The following SYNE1 variants were observed in gnomAD, a reference collection of about 807,000 sequenced individuals.
The protein encoded by SYNE1 is nesprin-1.
In SYNE1, 616 loss-of-function variants were observed where a neutral mutation model predicts 1,111.0. The ratio of observed to expected loss-of-function variants is 0.55; its 90% confidence interval spans 0.52 to 0.59. The LOEUF (loss-of-function observed/expected upper bound fraction) is 0.59. Ranked by LOEUF, SYNE1 falls within the 20% of genes least tolerant of loss-of-function variation. The probability of loss-of-function intolerance (pLI) is 0.00; values close to 1 mark genes in which losing one functional copy is unlikely to be tolerated. For synonymous variants in SYNE1, 3,855 were observed against 3,825.8 expected (o/e 1.01, Z -0.28); for missense variants, 10,006 against 10,417.0 (o/e 0.96, Z 1.72).
intron 12 of SYNE1, among the ~76,000 whole-genome samples, chr6:152,487,100 G>T (rs1332698732): frequency 1.3e-5 from 2 of 152,080 alleles, no homozygotes; most frequent in Non-Finnish European, 2.9e-5. Flanking sequence ...AGGAAGATTT[G>T]TTACATAGGT....
At chr6:152,443,020 A>G (rs1459938765) in intron 30 of SYNE1, among the ~76,000 whole-genome samples, 1 of 152,168 alleles carries the variant, frequency 6.6e-6, no homozygotes, top group Non-Finnish European at 1.5e-5. Flanking sequence ...TGTGGGGGGA[A>G]ATTGTCTTAA....
intron 78 of SYNE1, among the ~76,000 whole-genome samples, chr6:152,327,971 T>C (rs2096124668): frequency 6.6e-6 from 1 of 152,198 alleles, no homozygotes; most frequent in Non-Finnish European, 1.5e-5. Flanking sequence ...TTAAGAAGTT[T>C]ATTATGATTT....
rs1401950792 is a variant in SYNE1, at chr6:152,444,543, GAC to G, written c.3703_3704del (p.Val1235ProfsTer18). On this transcript the variant is annotated frameshift_variant, in exon 30 of 146. Transcript: ENST00000367255. LOFTEE classifies it high-confidence loss of function. The part of the protein sequence containing the change: ...EKMLSNFGDC[V>X]QYKEIVKNSL... Reference sequence around the variant, plus strand: ...AATTTTTGACTATTTCTTTGTACTGGACACAGTCCCCAAAATTGCTTAGCATC... The same window carrying G: ...AATTTTTGACTATTTCTTTGTACTGGACAGTCCCCAAAATTGCTTAGCATC... 6.2e-7 allele frequency: 1 copy of G among 1,612,592 alleles called. No homozygotes were observed. Among genetic ancestry groups the G allele is most frequent in the Non-Finnish European group, 8.5e-7 (1 of 1,179,746 alleles).
intron 53 of SYNE1, among the ~76,000 whole-genome samples, chr6:152,388,589 ACT>A (rs928053817): frequency 6.6e-6 from 1 of 151,970 alleles, no homozygotes; most frequent in African/African-American, 2.4e-5. Flanking sequence ...ATGAGCCAAG[ACT>A]CTGCATTCTT....
intron 69 of SYNE1, among the ~76,000 whole-genome samples, chr6:152,352,779 T>C (rs1247286689): frequency 6.6e-6 from 1 of 152,246 alleles, no homozygotes; most frequent in Non-Finnish European, 1.5e-5. Context: ...AATAAGTTGT[T>C]GACATTCATA....
At chr6:152,228,370 T>C (rs767621644) in intron 115 of SYNE1, among the ~76,000 whole-genome samples, 20 of 152,214 alleles carry the variant, frequency 1.3e-4, no homozygotes, top group Non-Finnish European at 7.3e-5. Context: ...CCTGGCTCTC[T>C]GAAAGACTAA....
In SYNE1 at chr6:152,323,737, C is replaced by T; in HGVS notation, c.15658G>A (p.Val5220Ile). ...VDEWTGFNNKVKKATEMIDQL... is the reference protein window; with the variant it reads ...VDEWTGFNNKIKKATEMIDQL... ...TCAATCATTTCAGTGGCCTTTTTAA[C>T]CTGATGACAAATGTACATACTATGA... is the stretch of plus-strand genomic sequence containing the variant. The change falls in exon 82 of 146, where the codon GTT becomes ATT. Residue 5220 changes from valine (V) to isoleucine (I), a missense_variant and splice_region_variant. Transcript: ENST00000367255. 1 of 1,614,082 alleles carries T rather than the reference C, an allele frequency of 6.2e-7. No homozygotes were observed. The highest frequency in any genetic ancestry group is 1.3e-5 in the African/African-American group (1 of 75,026).
At chr6:152,181,103 G>A (rs1322764668) in intron 128 of SYNE1, among the ~76,000 whole-genome samples, 2 of 87,376 alleles carry the variant, frequency 2.3e-5, no homozygotes, top group African/African-American at 9.4e-5. Flanking sequence ...AAAAAGCCAG[G>A]TGCAGTGGCT....
intron 3 of SYNE1, among the ~76,000 whole-genome samples, chr6:152,582,825 T>C (rs2099525069): frequency 6.6e-6 from 1 of 152,136 alleles, no homozygotes; most frequent in African/African-American, 2.4e-5. Flanking sequence ...TACTGGCCAC[T>C]TACATATATT....
intron 3 of SYNE1, among the ~76,000 whole-genome samples, chr6:152,565,420 A>G (rs1167537449): frequency 1.3e-5 from 2 of 152,188 alleles, no homozygotes; most frequent in African/African-American, 4.8e-5. Flanking sequence ...ATATGCAGCA[A>G]TTTAAAGTCA....
At chr6:152,470,631 G>A (rs1392003801) in intron 16 of SYNE1, among the ~76,000 whole-genome samples, 2 of 152,036 alleles carry the variant, frequency 1.3e-5, no homozygotes, top group Non-Finnish European at 2.9e-5. Context: ...AAATTAAAAT[G>A]TAGCAAAACA....
Position 152,218,411 on chromosome 6 carries a change from TC to T in SYNE1, c.22045-9del. The T allele has an allele frequency of 6.2e-7, 1 of 1,609,098 alleles. No homozygotes were observed. The highest frequency in any genetic ancestry group is 8.5e-7 in the Non-Finnish European group (1 of 1,179,248). ...ATAATCAAGAACTCCAGCCTTTTTT[TC>T]CACAAAAGAAATTGGTATTTCAGTT... is the stretch of plus-strand genomic sequence containing the variant. On this transcript the variant is annotated splice_polypyrimidine_tract_variant and intron_variant, in intron 120 of 145. Transcript: ENST00000367255.
chr6:152,135,974 T>C (rs2056982381), intron 141 of SYNE1, among the ~76,000 whole-genome samples: 1 of 152,210 alleles, frequency 6.6e-6, no homozygotes, highest in Non-Finnish European at 1.5e-5. Flanking sequence ...AGTCCTTTCC[T>C]GCTTCTGGGA....
intron 108 of SYNE1, among the ~76,000 whole-genome samples, chr6:152,237,219 G>A (rs1303504622): frequency 3.3e-5 from 5 of 151,234 alleles, no homozygotes; most frequent in Admixed American, 6.6e-5. Context: ...TTTTCCATAC[G>A]TTACAATGGG....
rs544444806 is a variant in SYNE1, at chr6:152,367,609, C to G, written c.9808-227G>C. The G allele has an allele frequency of 1.6e-4, 90 of 563,766 alleles. No individual in the cohort carries two copies. The South Asian group carries it at 1.8e-3, about 11-fold the overall frequency. The allele number at this position is 563,766 out of a possible 1,614,324, so 34.9% of individuals were successfully genotyped here. A position where few individuals can be genotyped will look rare whatever the true frequency, so the allele number is the denominator to read the frequency against. On this transcript the variant is annotated intron_variant, in intron 61 of 145. Transcript: ENST00000367255. ...AAAAAAGTTACAATTTTATGCCTCT[C>G]CAATTCTTTATGACTATCATGATTA...
chr6:152,148,454 G>A lies in SYNE1; in HGVS notation c.24643-76C>T. Reference sequence around the variant, plus strand: ...CTTATCTGGGCCACCTGCCTACCATGTGGGGACAATTTTTAACTTCTTATG... The same window carrying A: ...CTTATCTGGGCCACCTGCCTACCATATGGGGACAATTTTTAACTTCTTATG... On this transcript the variant is annotated intron_variant, in intron 136 of 145. Coordinates refer to ENST00000367255, the MANE Select transcript of SYNE1 (RefSeq NM_182961.4). The surrounding 1 kb of genome is among the most constrained non-coding windows in gnomAD (Gnocchi z 4.1). The A allele has an allele frequency of 1.4e-6, 2 of 1,380,150 alleles. No individual in the cohort carries two copies. The highest frequency in any genetic ancestry group is 1.2e-5 in the South Asian group (1 of 81,966). The allele number at this position is 1,380,150 out of a possible 1,614,324, so 85.5% of individuals were successfully genotyped here. A position where few individuals can be genotyped will look rare whatever the true frequency, so the allele number is the denominator to read the frequency against.
chr6:152,308,691 GT>G, intron 90 of SYNE1, 59 bp from the exon 91 acceptor site: 1 of 1,554,756 alleles, frequency 6.4e-7, no homozygotes, highest in Non-Finnish European at 8.7e-7. Flanking sequence ...CAATAACTAG[GT>G]AAGTGATTCT....
At chr6:152,600,419 T>A (rs2099593385) in intron 3 of SYNE1, among the ~76,000 whole-genome samples, 1 of 152,196 alleles carries the variant, frequency 6.6e-6, no homozygotes, top group African/African-American at 2.4e-5. Context: ...ATTGTTCCTA[T>A]TTTTTTAAAA....
At chr6:152,241,527 T>TGTGTGTGTGTGTGTGTGTGTGAGA (rs59737931) in intron 107 of SYNE1, among the ~76,000 whole-genome samples, 1 of 145,032 alleles carries the variant, frequency 6.9e-6, no homozygotes, top group African/African-American at 2.6e-5. Context: ...TGTGTGTGTG[T>TGTGTGTGTGTGTGTGTGTGTGAGA]GTGAAATACG....
Sources: allele counts gnomAD v4.1 joint callset (sites outside exome capture counted in the v4.1 genomes callset), GRCh38; gene constraint gnomAD v4.1.1; non-coding constraint Gnocchi (gnomAD v3.1); transcripts MANE v1.5; gene names NCBI Gene and HGNC (gene_info 2026-07-23, HGNC 2026-07-21).